The following PMFBP1 variants were observed in gnomAD, a reference collection of about 807,000 sequenced individuals.
PMFBP1 encodes polyamine-modulated factor 1-binding protein 1.
Under a neutral mutation model 137.8 loss-of-function variants are expected in PMFBP1, and 131 were observed. The observed-to-expected ratio is 0.95, with a 90% CI of 0.82 to 1.10. PMFBP1 has a LOEUF of 1.10. Ranked by LOEUF, PMFBP1 falls within the 50% of genes least tolerant of loss-of-function variation. The pLI is 0.00. For synonymous variants in PMFBP1, 490 were observed against 450.4 expected, an observed-to-expected ratio of 1.09 and a Z score of -1.11; for missense variants, 1,199 against 1,175.4, an observed-to-expected ratio of 1.02 and a Z score of -0.29.
the PMFBP1 span, among the ~76,000 whole-genome samples, chr16:72,227,092 A>G: frequency 0.13 from 19,409 of 148,170 alleles, 1,988 homozygotes; most frequent in African/African-American, 0.29. Context: ...TCATTTGTAG[A>G]AAAAAAAAAG....
At chr16:72,164,489 G>C in intron 3 of PMFBP1, 1 of 1,425,758 alleles carries the variant, frequency 7.0e-7, no homozygotes, top group Non-Finnish European at 9.3e-7. Flanking sequence ...GCAATGAGCT[G>C]TAAATACAGG....
intron 18 of PMFBP1, 114 bp downstream of exon 18, chr16:72,123,432 T>A: frequency 1.2e-6 from 1 of 856,552 alleles, no homozygotes; most frequent in Non-Finnish European, 1.8e-6. Context: ...GGGCTGAGAC[T>A]GGATCTGTTT....
the PMFBP1 span, among the ~76,000 whole-genome samples, chr16:72,205,830 T>C: frequency 1.3e-5 from 2 of 152,214 alleles, no homozygotes; most frequent in African/African-American, 4.8e-5. Context: ...TCACCCTTGA[T>C]GCCCTTGGCA....
intron 4 of PMFBP1, among the ~76,000 whole-genome samples, chr16:72,151,473 T>G (rs942812159): frequency 3.3e-5 from 5 of 152,222 alleles, no homozygotes; most frequent in African/African-American, 1.2e-4. Flanking sequence ...CTTGGGGACA[T>G]AAGATTTAAA....
intron 19 of PMFBP1, chr16:72,120,290 G>T: frequency 1.2e-6 from 1 of 810,392 alleles, no homozygotes. Flanking sequence ...GGGTCTGAGT[G>T]GACCAGGAGC....
At position 72,151,916 on chromosome 16, in the gene PMFBP1, T is replaced by TGCTGG. The variant is rs375369954; in HGVS notation, c.415-1092_415-1088dup. 4.6e-3 allele frequency among the ~76,000 whole-genome samples: 697 copies of TGCTGG among 152,212 alleles called. 5 individuals are homozygous for TGCTGG. Among genetic ancestry groups the TGCTGG allele is most frequent in the African/African-American group, 0.015 (639 of 41,520 alleles). On this transcript the variant is annotated intron_variant, in intron 4 of 20. Coordinates refer to ENST00000237353, the MANE Select transcript of PMFBP1 (RefSeq NM_031293.3). ...GAGGCAAGACAGGGTAGGTTAGAAG[T>TGCTGG]GCTGGGGGGTTAACGCCCTCAGGAG...
chr16:72,139,781 G>A (rs888770932), intron 6 of PMFBP1, among the ~76,000 whole-genome samples: 1 of 152,140 alleles, frequency 6.6e-6, no homozygotes, highest in African/African-American at 2.4e-5. Context: ...GTGTAATTGT[G>A]TGTGTAATTT....
the PMFBP1 span, among the ~76,000 whole-genome samples, chr16:72,215,033 T>C: frequency 6.6e-6 from 1 of 152,174 alleles, no homozygotes; most frequent in Non-Finnish European, 1.5e-5. Context: ...GAAGTGAGAA[T>C]GAGCAAACTG....
the PMFBP1 span, among the ~76,000 whole-genome samples, chr16:72,192,100 C>A: frequency 6.6e-6 from 1 of 152,132 alleles, no homozygotes; most frequent in African/African-American, 2.4e-5. Context: ...TCCCCACCAT[C>A]CTGAATTTTG....
upstream of PMFBP1, among the ~76,000 whole-genome samples, chr16:72,179,270 T>C (rs1229428125): frequency 1.3e-5 from 2 of 152,224 alleles, no homozygotes; most frequent in East Asian, 1.9e-4. Flanking sequence ...TCAAACTGCA[T>C]AACCTAATAG....
intron 5 of PMFBP1, among the ~76,000 whole-genome samples, chr16:72,147,742 T>C (rs888928291): frequency 6.6e-5 from 10 of 152,102 alleles, no homozygotes; most frequent in Non-Finnish European, 1.2e-4. Flanking sequence ...AAAGAAGACA[T>C]TTATGCAGCC....
At chr16:72,234,628 T>C in the PMFBP1 span, among the ~76,000 whole-genome samples, 1 of 152,200 alleles carries the variant, frequency 6.6e-6, no homozygotes, top group South Asian at 2.1e-4. Flanking sequence ...CATGGGGCTG[T>C]CTTATTCTCG....
chr16:72,226,139 A>G, the PMFBP1 span, among the ~76,000 whole-genome samples: 1 of 152,052 alleles, frequency 6.6e-6, no homozygotes, highest in Non-Finnish European at 1.5e-5. Flanking sequence ...CAAGCTACAT[A>G]TTTGTACGCT....
chr16:72,159,611 C>G (rs1159551566), intron 3 of PMFBP1, among the ~76,000 whole-genome samples: 1 of 152,166 alleles, frequency 6.6e-6, no homozygotes, highest in Admixed American at 6.5e-5. Flanking sequence ...TTAGAGGAAT[C>G]AAATTTCAAA....
At chr16:72,164,354 C>T (rs751836650) in intron 3 of PMFBP1, 2 of 1,243,300 alleles carry the variant, frequency 1.6e-6, no homozygotes, top group South Asian at 1.2e-5. Flanking sequence ...CCCTGCTACC[C>T]CAATGGACAC....
rs576506756 is a variant in PMFBP1 at position 72,156,387 on chromosome 16, C to T, written c.166-1928G>A. Among the ~76,000 whole-genome samples, 201 of 151,900 alleles carry T rather than the reference C, an allele frequency of 1.3e-3. 2 individuals are homozygous for T. Among genetic ancestry groups the T allele is most frequent in the Non-Finnish European group, 2.2e-3 (151 of 67,954 alleles). ...TAATCCCAGGACTTTGGGAGGCCGA[C>T]GTGGGTGGATCATGAGGTCAGGAGA... On this transcript the variant is annotated intron_variant, in intron 3 of 20. Coordinates refer to ENST00000237353, the MANE Select transcript of PMFBP1 (RefSeq NM_031293.3).
chr16:72,156,958 C>T (rs56336518), intron 3 of PMFBP1, among the ~76,000 whole-genome samples: 2,135 of 151,726 alleles, frequency 0.014, 19 homozygotes, highest in Non-Finnish European at 0.023. Flanking sequence ...GAGGCTGAGG[C>T]AGGCAGATCA....
chr16:72,145,541 G>A (rs1339047453), intron 5 of PMFBP1, among the ~76,000 whole-genome samples: 1 of 152,112 alleles, frequency 6.6e-6, no homozygotes, highest in African/African-American at 2.4e-5. Flanking sequence ...AGAGTGAACT[G>A]AAGGAGATAG....
chr16:72,125,159 G>A, intron 16 of PMFBP1, 79 bp downstream of exon 16: 1 of 1,521,968 alleles, frequency 6.6e-7, no homozygotes, highest in Admixed American at 2.0e-5. Flanking sequence ...ATGACTTAGT[G>A]CTAAATAATT....
Sources: gnomAD v4.1 joint callset for allele counts (sites outside exome capture counted in the v4.1 genomes callset) on GRCh38, gnomAD v4.1.1 for gene constraint, MANE v1.5 for transcripts, NCBI Gene and HGNC (gene_info 2026-07-23, HGNC 2026-07-21) for gene names.